Variants in AMELY observed in about 807,000 individuals in gnomAD.
AMELY encodes amelogenin Y-linked.
AMELY carries 4 observed loss-of-function variants against 4.2 expected under a neutral mutation model. The observed-to-expected ratio is 0.96, with a 90% CI of 0.47 to 2.19. The LOEUF is 2.19. Among genes scored for constraint, AMELY ranks in the 30% most tolerant of loss-of-function variants. AMELY has a pLI of 0.02. For missense variants in AMELY, 32 were observed against 41.5 expected (o/e 0.77, Z 0.63); for synonymous variants, 11 against 14.7 (o/e 0.75, Z 0.57).
chrY:6,875,679 G>A lies in AMELY; in HGVS notation c.-112-1608C>T, dbSNP rs762968160. On this transcript the variant is annotated intron_variant, in intron 1 of 6. Coordinates refer to ENST00000651267, the MANE Select transcript of AMELY (RefSeq NM_001143.2). ...AATTGTATATTGAAGGCAAGAATAC[G>A]CTTTGAAGGAAATTGTAACACTAAG... 1.2e-4 allele frequency among the ~76,000 whole-genome samples: 4 copies of A among 33,052 alleles called. No homozygotes were observed. In the East Asian group the frequency reaches 3.1e-3, roughly 26 times the overall value. 88.7% of individuals were successfully genotyped at this position (33,052 alleles called of 37,273 possible).
intron 1 of AMELY, among the ~76,000 whole-genome samples, chrY:6,874,682 G>GC (rs2054070802): frequency 6.0e-5 from 2 of 33,590 alleles, no homozygotes; most frequent in African/African-American, 1.1e-4. Flanking sequence ...GGCCTTCTTT[G>GC]CCCGTGTACT....
rs373182951 is a variant in AMELY at position 6,868,086 on chromosome Y, A to C, written c.524T>G (p.Leu175Arg). ...LRPLPPILPD[L>R]HLEAWPATDK... ...TGTTGCTGGCCAAGCTTCCAGATGC[A>C]GATCAGGAAGTATGGGGGGCAGGGG... Residue 175 changes from leucine (L) to arginine (R), a missense_variant, in exon 6 of 7, where the codon CTG becomes CGG. Leu to Arg is a moderately radical substitution (Grantham distance 102, BLOSUM62 -2). Coordinates refer to ENST00000651267, the MANE Select transcript of AMELY (RefSeq NM_001143.2). 2 of 392,424 alleles carry C rather than the reference A, an allele frequency of 5.1e-6. No homozygotes were observed. The highest frequency in any genetic ancestry group is 6.6e-5 in the African/African-American group (1 of 15,254).
At chrY:6,874,229 G>A (rs2124081307) in intron 1 of AMELY, among the ~76,000 whole-genome samples, 158 bp from the exon 2 acceptor site, 1 of 33,350 alleles carries the variant, frequency 3.0e-5, no homozygotes, top group East Asian at 7.8e-4. Context: ...ATGTTTAACA[G>A]GCAAAAGGAA....
intron 1 of AMELY, among the ~76,000 whole-genome samples, chrY:6,895,835 A>G: frequency 3.0e-5 from 1 of 33,222 alleles, no homozygotes; most frequent in South Asian, 6.9e-4. Context: ...GAATCTATAA[A>G]TTACCTTGGG....
intron 1 of AMELY, among the ~76,000 whole-genome samples, chrY:6,874,592 A>G (rs759697337): frequency 3.0e-5 from 1 of 33,800 alleles, no homozygotes; most frequent in South Asian, 6.5e-4. Flanking sequence ...ATATATTTAA[A>G]TACTTAGGAA....
At chrY:6,876,476 A>G in intron 1 of AMELY, among the ~76,000 whole-genome samples, 2 of 33,066 alleles carry the variant, frequency 6.0e-5, no homozygotes, top group East Asian at 1.6e-3. Context: ...CTGAAAGCAC[A>G]TAATAAAAGG....
At chrY:6,871,428 A>G (rs2054067417) in intron 3 of AMELY, among the ~76,000 whole-genome samples, 1 of 32,780 alleles carries the variant, frequency 3.1e-5, no homozygotes. Context: ...AAAGCCACAT[A>G]CTTATCAGAT....
chrY:6,898,565 C>G, intron 1 of AMELY, among the ~76,000 whole-genome samples: 1 of 33,248 alleles, frequency 3.0e-5, no homozygotes, highest in African/African-American at 1.2e-4. Context: ...GGAGGGTGCC[C>G]ACAACACCAG....
intron 1 of AMELY, among the ~76,000 whole-genome samples, chrY:6,884,454 A>C: frequency 3.1e-5 from 1 of 32,724 alleles, no homozygotes; most frequent in Admixed American, 2.8e-4. Context: ...AATAATAAAT[A>C]AATAGAAATA....
chrY:6,899,743 G>GA (rs2054088255), intron 1 of AMELY, among the ~76,000 whole-genome samples: 2 of 28,785 alleles, frequency 6.9e-5, no homozygotes, highest in East Asian at 9.4e-4. Flanking sequence ...CAAAAAAAAG[G>GA]AAAAAAAAAT....
intron 6 of AMELY, among the ~76,000 whole-genome samples, chrY:6,866,639 CTTTTTTTTT>C (rs769931850): frequency 5.4e-5 from 1 of 18,592 alleles, no homozygotes; most frequent in Non-Finnish European, 1.2e-4. Flanking sequence ...AATTTCCTTT[CTTTTTTTTT>C]TTTTTTTTTT....
At chrY:6,910,712 G>A in intron 1 of AMELY, 1 of 62,443 alleles carries the variant, frequency 1.6e-5, no homozygotes, top group Non-Finnish European at 3.2e-5. Flanking sequence ...GCGCTCGGGA[G>A]TGAGGAGCCG....
chrY:6,897,599 G>T (rs1603022987), intron 1 of AMELY, among the ~76,000 whole-genome samples: 2 of 17,709 alleles, frequency 1.1e-4, no homozygotes, highest in Non-Finnish European at 2.6e-4. Context: ...TTTTTGGTCG[G>T]TTTTTTTTTT....
intron 4 of AMELY, 117 bp downstream of exon 4, chrY:6,869,889 T>C (rs772168340): frequency 7.8e-6 from 2 of 255,638 alleles, no homozygotes; most frequent in African/African-American, 1.5e-4. Context: ...AACTGTAAAA[T>C]TGGGACCACT....
intron 1 of AMELY, among the ~76,000 whole-genome samples, chrY:6,906,345 T>C: frequency 3.0e-5 from 1 of 33,686 alleles, no homozygotes; most frequent in Admixed American, 2.7e-4. Context: ...TATACATACA[T>C]GTATATATAC....
At chrY:6,872,512 T>C (rs1464911881) in intron 3 of AMELY, 43 bp downstream of exon 3, 3 of 376,093 alleles carry the variant, frequency 8.0e-6, no homozygotes, top group Non-Finnish European at 1.1e-5. Flanking sequence ...TATTTCCACG[T>C]TTGTAAATTG....
In AMELY at chrY:6,868,743, T is replaced by C. The variant is rs1162085771; in HGVS notation, c.136A>G (p.Ile46Val). ...AAATGTCTACATACTGGTGGTCTTA[T>C]CATGCTCTGGTACCACTTCAAAGGG... ...LTPLKWYQSM[I>V]RPPYSSYGYE... The change falls in exon 5 of 7, where the codon ATA (isoleucine) becomes GTA (valine). Residue 46 changes from isoleucine to valine, a missense_variant. Physicochemically the swap from Ile to Val is conservative, Grantham distance 29. Transcript: ENST00000651267. The C allele has an allele frequency of 7.6e-6, 3 of 393,394 alleles. No individual in the cohort carries two copies. Among genetic ancestry groups the C allele is most frequent in the Non-Finnish European group, 1.1e-5 (3 of 280,110 alleles).
chrY:6,899,563 TA>T (rs1556041569), intron 1 of AMELY, among the ~76,000 whole-genome samples: 7 of 24,957 alleles, frequency 2.8e-4, no homozygotes, highest in African/African-American at 6.3e-4. Flanking sequence ...CGGTCTCTAC[TA>T]AAAAAAAAAA....
Position 6,871,720 on chromosome Y carries a change from G to A in AMELY, c.54+835C>T. Among the ~76,000 whole-genome samples the A allele has an allele frequency of 1.2e-4, 4 of 32,062 alleles. No individual in the cohort carries two copies. The East Asian group carries it at 3.3e-3, about 27-fold the overall frequency. The allele number at this position is 32,062 out of a possible 37,273, so 86.0% of individuals were successfully genotyped here. On this transcript the variant is annotated intron_variant, in intron 3 of 6. Transcript: ENST00000651267. Reference sequence around the variant, plus strand: ...CATGCCTGTAATCTCAGCACTTTGGGAGGCCGAGGCGGGTGGATCATGAGG... The same window carrying A: ...CATGCCTGTAATCTCAGCACTTTGGAAGGCCGAGGCGGGTGGATCATGAGG...
Sources: gnomAD v4.1 joint callset for allele counts (sites outside exome capture counted in the v4.1 genomes callset) on GRCh38, gnomAD v4.1.1 for gene constraint, MANE v1.5 for transcripts, NCBI Gene and HGNC (gene_info 2026-07-23, HGNC 2026-07-21) for gene names.